The following FARSB variants were observed in gnomAD, a reference collection of about 807,000 sequenced individuals.
FARSB encodes phenylalanyl-tRNA synthetase subunit beta, also known as phenylalanine--tRNA ligase beta subunit.
In FARSB, 40 loss-of-function variants were observed where a neutral mutation model predicts 69.6. That is an observed-to-expected ratio of 0.57 (90% CI 0.45 to 0.75). The LOEUF (loss-of-function observed/expected upper bound fraction) is 0.75. Ranked by LOEUF, FARSB falls within the 30% of genes least tolerant of loss-of-function variation. The pLI is 0.00. For synonymous variants in FARSB, 235 were observed against 247.2 expected, an observed-to-expected ratio of 0.95 and a Z score of 0.46; for missense variants, 632 against 722.9, an observed-to-expected ratio of 0.87 and a Z score of 1.44.
chr2:222,643,804 C>A (rs1388408882), intron 2 of FARSB, among the ~76,000 whole-genome samples: 1 of 152,204 alleles, frequency 6.6e-6, no homozygotes, highest in Non-Finnish European at 1.5e-5. Flanking sequence ...CCACTAGAAT[C>A]ACGTTTAATG....
chr2:222,611,238 A>G (rs2106207710), intron 15 of FARSB, among the ~76,000 whole-genome samples: 1 of 152,188 alleles, frequency 6.6e-6, no homozygotes, highest in East Asian at 1.9e-4. Flanking sequence ...AAGTAATACC[A>G]GAAATGAATC....
chr2:222,624,629 C>T, intron 11 of FARSB, 85 bp downstream of exon 11: 1 of 981,742 alleles, frequency 1.0e-6, no homozygotes, highest in Non-Finnish European at 1.6e-6. Context: ...TTTATCATTC[C>T]TTAACAGACT....
chr2:222,582,112 A>C (rs1689985918), intron 16 of FARSB, among the ~76,000 whole-genome samples: 1 of 152,246 alleles, frequency 6.6e-6, no homozygotes, highest in Non-Finnish European at 1.5e-5. Context: ...CAAATAACAT[A>C]TGCACAAGAC....
At chr2:222,650,979 C>T (rs1380110678) in intron 1 of FARSB, among the ~76,000 whole-genome samples, 1 of 152,180 alleles carries the variant, frequency 6.6e-6, no homozygotes, top group Non-Finnish European at 1.5e-5. Context: ...ATTACTAATA[C>T]AGACTTTAGT....
At chr2:222,593,282 C>T (rs1418458182) in intron 16 of FARSB, among the ~76,000 whole-genome samples, 1 of 152,164 alleles carries the variant, frequency 6.6e-6, no homozygotes, top group Non-Finnish European at 1.5e-5. Flanking sequence ...AAAAACCTTA[C>T]TCCTCAGTAT....
rs77827981 is a variant in FARSB at position 222,572,000 on chromosome 2, T to G, written c.1641A>C (p.Arg547=). Residue 547 remains arginine (R), a synonymous_variant, in exon 17 of 17, where the codon CGA becomes CGC. Transcript: ENST00000281828. ...GACCCCTGGCAAAGATCTCTGCACA[T>G]CGCCCGGGGAAGAAAGCAGGCCCTG... ...ASEGPAFFPG[R]CAEIFARGQS... 5.2e-4 allele frequency: 845 copies of G among 1,613,422 alleles called. 14 individuals are homozygous for G. The East Asian group carries it at 0.016, about 31-fold the overall frequency.
chr2:222,581,644 G>A (rs1396397175), intron 16 of FARSB, among the ~76,000 whole-genome samples: 1 of 152,128 alleles, frequency 6.6e-6, no homozygotes, highest in African/African-American at 2.4e-5. Flanking sequence ...ATTAGCTTCT[G>A]AGCAGTTGGA....
At chr2:222,644,022 C>T (rs1399101886) in intron 2 of FARSB, among the ~76,000 whole-genome samples, 3 of 152,102 alleles carry the variant, frequency 2.0e-5, no homozygotes, top group Non-Finnish European at 4.4e-5. Context: ...GTGGAAACTC[C>T]ACTTAACCAG....
intron 16 of FARSB, among the ~76,000 whole-genome samples, chr2:222,599,234 C>T (rs1437049019): frequency 6.6e-6 from 1 of 152,122 alleles, no homozygotes; most frequent in Non-Finnish European, 1.5e-5. Context: ...AAATATTTCT[C>T]TCAAGTTGTT....
At chr2:222,617,776 G>A (rs781368444) in intron 14 of FARSB, among the ~76,000 whole-genome samples, 11 of 152,294 alleles carry the variant, frequency 7.2e-5, no homozygotes, top group East Asian at 1.9e-4. Context: ...CCAGCTACTC[G>A]GGAGGCTGGG....
chr2:222,642,891 G>C lies in FARSB; in HGVS notation c.229C>G (p.Leu77Val). The C allele has an allele frequency of 6.2e-7, 1 of 1,612,594 alleles. No individual in the cohort carries two copies. The highest frequency in any genetic ancestry group is 1.3e-5 in the African/African-American group (1 of 75,004). The change falls in exon 3 of 17, where the codon CTG becomes GTG. Residue 77 changes from leucine to valine, a missense_variant. Physicochemically the swap from Leu to Val is conservative, Grantham distance 32. Coordinates refer to ENST00000281828, the MANE Select transcript of FARSB (RefSeq NM_005687.5). ...VPANRYDLLC[L>V]EGLVRGLQVF... is the part of the protein sequence containing the mutation. ...TGAAGTCCTCGAACCAATCCTTCCA[G>C]ACACAGGAGATCATATCTATTGGCA... is the stretch of plus-strand genomic sequence containing the variant.
chr2:222,632,107 C>T (rs1447222545), intron 7 of FARSB, among the ~76,000 whole-genome samples: 1 of 150,234 alleles, frequency 6.7e-6, no homozygotes, highest in African/African-American at 2.5e-5. Flanking sequence ...GCCTGGGCAA[C>T]AAAAGCAAAT....
At chr2:222,644,846 C>A (rs755870383) in intron 2 of FARSB, among the ~76,000 whole-genome samples, 31 of 152,032 alleles carry the variant, frequency 2.0e-4, no homozygotes, top group Non-Finnish European at 3.7e-4. Context: ...TGAATGTAGT[C>A]TCTTTCTGTC....
chr2:222,642,904 A>T lies in FARSB; in HGVS notation c.216T>A (p.Tyr72Ter). 1 of 1,613,194 alleles carries T rather than the reference A, an allele frequency of 6.2e-7. No homozygotes were observed. Among genetic ancestry groups the T allele is most frequent in the Non-Finnish European group, 8.5e-7 (1 of 1,179,232 alleles). ...CCAATCCTTCCAGACACAGGAGATCATATCTATTGGCAGGGACGTCAATTT... is the reference window on the plus strand; with the variant it reads ...CCAATCCTTCCAGACACAGGAGATCTTATCTATTGGCAGGGACGTCAATTT... The part of the protein sequence containing the change: ...LYKIDVPANR[Y>*]DLLCLEGLVR... Residue 72 changes from tyrosine (Y) to a stop codon, truncating the protein, a stop_gained, in exon 3 of 17, where the codon TAT becomes TAA. Coordinates refer to ENST00000281828, the MANE Select transcript of FARSB (RefSeq NM_005687.5). LOFTEE classifies it high-confidence loss of function.
At chr2:222,593,030 GTATCATATA>G (rs1443584628) in intron 16 of FARSB, among the ~76,000 whole-genome samples, 1 of 151,952 alleles carries the variant, frequency 6.6e-6, no homozygotes, top group African/African-American at 2.4e-5. Context: ...GACTAAAAAC[GTATCATATA>G]TATAGTGTTC....
intron 15 of FARSB, among the ~76,000 whole-genome samples, chr2:222,600,548 T>C (rs1402104740): frequency 3.3e-5 from 5 of 152,322 alleles, no homozygotes; most frequent in African/African-American, 2.4e-5. Context: ...TAAAGTACAG[T>C]GCAATCACTC....
chr2:222,607,186 A>G (rs955666085), intron 15 of FARSB, among the ~76,000 whole-genome samples: 3 of 152,200 alleles, frequency 2.0e-5, no homozygotes, highest in Non-Finnish European at 2.9e-5. Flanking sequence ...GTAAACAGGA[A>G]CCTTTCTCTT....
At chr2:222,642,510 C>T (rs920448270) in intron 3 of FARSB, among the ~76,000 whole-genome samples, 1 of 152,226 alleles carries the variant, frequency 6.6e-6, no homozygotes, top group Non-Finnish European at 1.5e-5. Context: ...TCCATTTCCT[C>T]TCAACTTTTA....
chr2:222,617,693 G>A (rs951837101), intron 14 of FARSB, among the ~76,000 whole-genome samples: 1 of 152,144 alleles, frequency 6.6e-6, no homozygotes, highest in African/African-American at 2.4e-5. Flanking sequence ...AGACCAGCCT[G>A]TCCAACATGG....
Sources: allele counts gnomAD v4.1 joint callset (sites outside exome capture counted in the v4.1 genomes callset), GRCh38; gene constraint gnomAD v4.1.1; transcripts MANE v1.5; gene names NCBI Gene and HGNC (gene_info 2026-07-23, HGNC 2026-07-21).